The following GRID2 variants were observed in gnomAD, a reference collection of about 807,000 sequenced individuals.
The protein encoded by GRID2 is glutamate receptor ionotropic, delta-2.
In GRID2, 33 loss-of-function variants were observed where a neutral mutation model predicts 114.8. The ratio of observed to expected loss-of-function variants is 0.29; its 90% CI spans 0.22 to 0.38. The LOEUF is 0.38. Among genes scored for constraint, GRID2 ranks in the 10% least tolerant of loss-of-function variants. GRID2 has a pLI of 1.00. For missense variants in GRID2, 1,184 were observed against 1,257.7 expected (o/e 0.94, Z 0.89); for synonymous variants, 505 against 449.9 (o/e 1.12, Z -1.55).
At chr4:93,079,534 A>C (rs1397010361) in intron 2 of GRID2, among the ~76,000 whole-genome samples, 1 of 151,952 alleles carries the variant, frequency 6.6e-6, no homozygotes, top group Non-Finnish European at 1.5e-5. Context: ...TTCATGGCCC[A>C]GACATTCTAA....
intron 8 of GRID2, among the ~76,000 whole-genome samples, chr4:93,298,703 C>A (rs1754564049): frequency 6.6e-6 from 1 of 152,238 alleles, no homozygotes; most frequent in Admixed American, 6.5e-5. Context: ...GGAAGCCTCC[C>A]CTTACTGTTC....
chr4:93,275,942 A>T (rs1295243431), intron 8 of GRID2, among the ~76,000 whole-genome samples: 2 of 151,790 alleles, frequency 1.3e-5, no homozygotes, highest in Non-Finnish European at 2.9e-5. Context: ...TGATGTTATC[A>T]TTTCTAGAAT....
intron 4 of GRID2, among the ~76,000 whole-genome samples, chr4:93,136,078 T>C (rs1478196696): frequency 1.3e-5 from 2 of 152,196 alleles, no homozygotes; most frequent in Non-Finnish European, 2.9e-5. Flanking sequence ...TACTTTACTA[T>C]TATTATGCCC....
chr4:93,632,327 T>G (rs1461580094), intron 14 of GRID2, among the ~76,000 whole-genome samples: 1 of 152,196 alleles, frequency 6.6e-6, no homozygotes, highest in Non-Finnish European at 1.5e-5. Flanking sequence ...CTAGGTTTTC[T>G]TCTAGGGTTT....
chr4:93,799,168 T>A (rs1280938289), intron 1 of GRID2, among the ~76,000 whole-genome samples: 1 of 152,196 alleles, frequency 6.6e-6, no homozygotes, highest in Admixed American at 6.5e-5. Flanking sequence ...TGGCTAGAAA[T>A]CGTATTTATA....
chr4:92,882,539 G>A (rs189484553), intron 2 of GRID2, among the ~76,000 whole-genome samples: 2 of 151,306 alleles, frequency 1.3e-5, no homozygotes, highest in Non-Finnish European at 2.9e-5. Flanking sequence ...CTATATTAGG[G>A]GTTTTCAGTT....
At chr4:93,744,342 T>C (rs917174275) in intron 14 of GRID2, among the ~76,000 whole-genome samples, 7 of 152,190 alleles carry the variant, frequency 4.6e-5, no homozygotes, top group African/African-American at 1.7e-4. Flanking sequence ...TTGAAAAACC[T>C]TCTGGAAAGG....
At chr4:93,399,864 G>A (rs535503648) in intron 9 of GRID2, among the ~76,000 whole-genome samples, 6 of 152,058 alleles carry the variant, frequency 3.9e-5, no homozygotes, top group Non-Finnish European at 5.9e-5. Flanking sequence ...ACAGAGGAAG[G>A]CAGTGAAGCC....
chr4:93,671,129 G>T (rs1724373684), intron 14 of GRID2, among the ~76,000 whole-genome samples: 1 of 152,116 alleles, frequency 6.6e-6, no homozygotes, highest in Admixed American at 6.6e-5. Context: ...TCCTAAGACT[G>T]CTGGAAAAGG....
chr4:93,539,984 G>C (rs1272437712), intron 13 of GRID2, among the ~76,000 whole-genome samples: 1 of 151,882 alleles, frequency 6.6e-6, no homozygotes, highest in African/African-American at 2.4e-5. Context: ...TTTACTGATG[G>C]ATACTTTACT....
intron 8 of GRID2, among the ~76,000 whole-genome samples, chr4:93,382,754 T>C (rs1035234517): frequency 6.6e-6 from 1 of 152,068 alleles, no homozygotes; most frequent in Non-Finnish European, 1.5e-5. Flanking sequence ...CTTATTTTAT[T>C]TTATTTTTAA....
chr4:92,700,022 A>T (rs1734595298), intron 2 of GRID2, among the ~76,000 whole-genome samples: 1 of 152,202 alleles, frequency 6.6e-6, no homozygotes, highest in East Asian at 1.9e-4. Flanking sequence ...TAATTTTTCA[A>T]CAAGTTTTCT....
chr4:92,649,314 C>T (rs902067775), intron 2 of GRID2, among the ~76,000 whole-genome samples: 2 of 149,550 alleles, frequency 1.3e-5, no homozygotes, highest in African/African-American at 5.0e-5. Flanking sequence ...GGCTTGAGAA[C>T]CAGACGAGGC....
chr4:92,964,631 C>G (rs1053600829), intron 2 of GRID2, among the ~76,000 whole-genome samples: 1 of 152,034 alleles, frequency 6.6e-6, no homozygotes, highest in African/African-American at 2.4e-5. Context: ...GTTGTAGCTT[C>G]TACATCAGCA....
At chr4:93,571,534 C>T (rs975231852) in intron 13 of GRID2, among the ~76,000 whole-genome samples, 1 of 151,948 alleles carries the variant, frequency 6.6e-6, no homozygotes, top group African/African-American at 2.4e-5. Context: ...GGGTTAGGCC[C>T]TTTTTAGGCC....
At chr4:93,753,984 A>C (rs1465916465) in intron 14 of GRID2, among the ~76,000 whole-genome samples, 1 of 152,222 alleles carries the variant, frequency 6.6e-6, no homozygotes, top group South Asian at 2.1e-4. Context: ...AACATCGCAG[A>C]GTGTACTTAC....
At chr4:93,352,706 G>A (rs1330694273) in intron 8 of GRID2, among the ~76,000 whole-genome samples, 1 of 151,904 alleles carries the variant, frequency 6.6e-6, no homozygotes, top group Non-Finnish European at 1.5e-5. Flanking sequence ...TTTATCCATG[G>A]GCAACAGAAT....
chr4:92,910,021 A>C (rs1748250848), intron 2 of GRID2, among the ~76,000 whole-genome samples: 1 of 152,062 alleles, frequency 6.6e-6, no homozygotes, highest in Non-Finnish European at 1.5e-5. Context: ...GAGTTAACCA[A>C]AAGAGAGGAA....
intron 1 of GRID2, among the ~76,000 whole-genome samples, chr4:92,390,030 A>G (rs1730163654): frequency 6.6e-6 from 1 of 152,136 alleles, no homozygotes; most frequent in Non-Finnish European, 1.5e-5. Flanking sequence ...TGTTTAACAG[A>G]GCCAATTTTA....
Sources: allele counts gnomAD v4.1 joint callset (sites outside exome capture counted in the v4.1 genomes callset), GRCh38; gene constraint gnomAD v4.1.1; transcripts MANE v1.5; gene names NCBI Gene and HGNC (gene_info 2026-07-23, HGNC 2026-07-21).